The following TMEFF1 variants were observed in gnomAD, a reference collection of about 807,000 sequenced individuals.
The protein encoded by TMEFF1 is transmembrane protein with EGF like and two follistatin like domains 1.
Under a neutral mutation model 47.5 loss-of-function variants are expected in TMEFF1, and 20 were observed. The observed-to-expected ratio is 0.42, with a 90% CI of 0.30 to 0.61. The LOEUF is 0.61. TMEFF1 is among the 20% of genes least tolerant of loss of function. The pLI, the probability that TMEFF1 is intolerant of heterozygous loss-of-function variation, is 0.19. For missense variants in TMEFF1, 411 were observed against 471.1 expected (o/e 0.87, Z 1.18); for synonymous variants, 162 against 166.3 (o/e 0.97, Z 0.20).
At chr9:100,560,763 C>T (rs995166219) in intron 7 of TMEFF1, among the ~76,000 whole-genome samples, 1 of 152,082 alleles carries the variant, frequency 6.6e-6, no homozygotes, top group African/African-American at 2.4e-5. Context: ...AGAGCGAAAT[C>T]TCAGGTTATT....
chr9:100,568,153 G>A (rs533505590), intron 8 of TMEFF1, among the ~76,000 whole-genome samples: 2 of 152,276 alleles, frequency 1.3e-5, no homozygotes, highest in African/African-American at 4.8e-5. Flanking sequence ...ATAACCAAAA[G>A]TCAGTTGGAG....
chr9:100,539,403 C>T (rs1037856205), intron 5 of TMEFF1, among the ~76,000 whole-genome samples: 3 of 152,164 alleles, frequency 2.0e-5, no homozygotes, highest in Admixed American at 6.5e-5. Flanking sequence ...TGTTACGGTT[C>T]TTAAAGATGG....
intron 5 of TMEFF1, among the ~76,000 whole-genome samples, chr9:100,530,359 AG>A (rs1838353616): frequency 6.6e-6 from 1 of 152,128 alleles, no homozygotes; most frequent in Non-Finnish European, 1.5e-5. Context: ...AAAGAAAAAA[AG>A]AGAGAAGAAT....
intron 4 of TMEFF1, among the ~76,000 whole-genome samples, chr9:100,514,204 C>A (rs144618759): frequency 4.6e-5 from 7 of 151,698 alleles, no homozygotes; most frequent in African/African-American, 1.5e-4. Context: ...TCACTCCATA[C>A]GTCTACATTT....
rs529016339 is a variant in TMEFF1, at chr9:100,503,561, C to T, written c.306+4687C>T. Among the ~76,000 whole-genome samples, 3 of 151,922 alleles carry T rather than the reference C, an allele frequency of 2.0e-5. No homozygotes were observed. In the South Asian group the frequency reaches 6.2e-4, roughly 32 times the overall value. On this transcript the variant is annotated intron_variant, in intron 2 of 9. Coordinates refer to ENST00000374879, the MANE Select transcript of TMEFF1 (RefSeq NM_003692.5). Reference sequence around the variant, plus strand: ...ACACACACACACACACACACACACACACACACACACACACACGAATGTGAG... The same window carrying T: ...ACACACACACACACACACACACACATACACACACACACACACGAATGTGAG...
Position 100,547,799 on chromosome 9 carries a change from G to C in TMEFF1, c.616G>C (p.Asp206His). 1.2e-6 allele frequency: 2 copies of C among 1,609,806 alleles called. No homozygotes were observed. Among genetic ancestry groups the C allele is most frequent in the Non-Finnish European group, 1.7e-6 (2 of 1,178,514 alleles). The change falls in exon 6 of 10, where the codon GAT becomes CAT. Residue 206 changes from aspartate to histidine, a missense_variant. Coordinates refer to ENST00000374879, the MANE Select transcript of TMEFF1 (RefSeq NM_003692.5). ...CAGTTTTAATCCTGTGTGTGCTTCT[G>C]ATGGGAGTTCCTATAACAATCCCTG... The part of the protein sequence containing the change: ...GYSFNPVCAS[D>H]GSSYNNPCFV...
intron 6 of TMEFF1, 105 bp downstream of exon 6, chr9:100,547,997 C>A: frequency 8.1e-7 from 1 of 1,241,436 alleles, no homozygotes; most frequent in South Asian, 3.3e-5. Flanking sequence ...GAGAAATCCT[C>A]GAAGCTTTAT....
At chr9:100,547,308 GC>G (rs1838753475) in intron 5 of TMEFF1, among the ~76,000 whole-genome samples, 1 of 152,084 alleles carries the variant, frequency 6.6e-6, no homozygotes, top group African/African-American at 2.4e-5. Flanking sequence ...GAGCCATCAT[GC>G]CTGGCCATTA....
intron 3 of TMEFF1, among the ~76,000 whole-genome samples, chr9:100,510,421 G>A (rs1837940367): frequency 6.6e-6 from 1 of 152,204 alleles, no homozygotes; most frequent in Non-Finnish European, 1.5e-5. Context: ...GTATGTGGCA[G>A]TGCACATGGA....
chr9:100,555,820 T>C (rs1464137624), intron 7 of TMEFF1, among the ~76,000 whole-genome samples: 1 of 152,230 alleles, frequency 6.6e-6, no homozygotes, highest in East Asian at 1.9e-4. Flanking sequence ...TTAATAGTTA[T>C]TAATTGAGTG....
intron 1 of TMEFF1, among the ~76,000 whole-genome samples, chr9:100,497,137 C>T (rs1006948091): frequency 6.6e-6 from 1 of 151,724 alleles, no homozygotes; most frequent in Non-Finnish European, 1.5e-5. Flanking sequence ...AAAGCAAGGT[C>T]AAGGGGGAAA....
At chr9:100,488,106 T>A (rs1837484942) in intron 1 of TMEFF1, among the ~76,000 whole-genome samples, 1 of 152,156 alleles carries the variant, frequency 6.6e-6, no homozygotes, top group East Asian at 1.9e-4. Flanking sequence ...AGATTAATTA[T>A]TGATTTAAAA....
chr9:100,485,149 T>C (rs1260964704), intron 1 of TMEFF1, among the ~76,000 whole-genome samples: 1 of 152,244 alleles, frequency 6.6e-6, no homozygotes, highest in Non-Finnish European at 1.5e-5. Context: ...CTGAATAATA[T>C]TTCATTGTCT....
intron 5 of TMEFF1, among the ~76,000 whole-genome samples, chr9:100,522,033 C>T (rs10989131): frequency 0.044 from 6,670 of 152,254 alleles, 325 homozygotes; most frequent in South Asian, 0.22. Flanking sequence ...CTGGTCAGTA[C>T]TACAATATGA....
chr9:100,532,279 G>T (rs1195699802), intron 5 of TMEFF1, among the ~76,000 whole-genome samples: 5 of 152,128 alleles, frequency 3.3e-5, no homozygotes, highest in African/African-American at 4.8e-5. Context: ...CACAGCAAAA[G>T]AAACTACTAT....
chr9:100,486,324 C>T (rs1837447901), intron 1 of TMEFF1, among the ~76,000 whole-genome samples: 1 of 152,168 alleles, frequency 6.6e-6, no homozygotes, highest in Admixed American at 6.5e-5. Context: ...CTTACTGCAA[C>T]CTCTGCATCC....
intron 2 of TMEFF1, among the ~76,000 whole-genome samples, chr9:100,502,073 C>T (rs1383840348): frequency 6.6e-6 from 1 of 152,176 alleles, no homozygotes. Context: ...TCTGTTACTT[C>T]TTGCATTTCC....
chr9:100,541,865 G>A (rs1587846641), intron 5 of TMEFF1, among the ~76,000 whole-genome samples: 1 of 151,804 alleles, frequency 6.6e-6, no homozygotes, highest in East Asian at 1.9e-4. Flanking sequence ...ATAACCATAC[G>A]AGGTTTCTTC....
chr9:100,546,430 C>A (rs1050747463), intron 5 of TMEFF1, among the ~76,000 whole-genome samples: 4 of 135,414 alleles, frequency 3.0e-5, no homozygotes, highest in African/African-American at 1.1e-4. Flanking sequence ...ATAATTCAAT[C>A]CCCCCCCCAC....
Sources: gnomAD v4.1 joint callset for allele counts (sites outside exome capture counted in the v4.1 genomes callset) on GRCh38, gnomAD v4.1.1 for gene constraint, MANE v1.5 for transcripts, NCBI Gene and HGNC (gene_info 2026-07-23, HGNC 2026-07-21) for gene names.